AGBL4: variants seen among roughly 807,000 people sequenced by gnomAD.
AGBL4 encodes AGBL carboxypeptidase 4, also known as cytosolic carboxypeptidase 6.
In AGBL4, 58 loss-of-function variants were observed where a neutral mutation model predicts 66.4. The observed-to-expected ratio is 0.87, with a 90% CI of 0.71 to 1.09. AGBL4 has a LOEUF of 1.09. Among genes scored for constraint, AGBL4 ranks in the 50% least tolerant of loss-of-function variants. The pLI is 0.00. For synonymous variants in AGBL4, 234 were observed against 222.9 expected, an observed-to-expected ratio of 1.05 and a Z score of -0.44; for missense variants, 579 against 631.0, an observed-to-expected ratio of 0.92 and a Z score of 0.88.
intron 5 of AGBL4, among the ~76,000 whole-genome samples, chr1:48,886,843 G>A (rs371966211): frequency 1.2e-4 from 18 of 152,240 alleles, no homozygotes; most frequent in South Asian, 4.2e-4. Flanking sequence ...GAGCCACCGC[G>A]CCCAGCCACG....
intron 1 of AGBL4, among the ~76,000 whole-genome samples, chr1:50,007,730 C>A (rs1465828648): frequency 2.4e-4 from 37 of 152,124 alleles, no homozygotes; most frequent in Admixed American, 2.4e-3. Context: ...CATGCCACTG[C>A]ACTCCAGCCT....
chr1:49,208,623 T>C (rs1293555393), intron 4 of AGBL4, among the ~76,000 whole-genome samples: 1 of 152,088 alleles, frequency 6.6e-6, no homozygotes, highest in African/African-American at 2.4e-5. Flanking sequence ...GATCCAAGAA[T>C]TTACTTCACT....
intron 1 of AGBL4, among the ~76,000 whole-genome samples, chr1:49,956,487 A>G (rs556470371): frequency 3.3e-5 from 5 of 152,086 alleles, no homozygotes; most frequent in South Asian, 2.1e-4. Flanking sequence ...TAAGTATTTC[A>G]TAATATATCA....
At chr1:48,828,300 G>T (rs1316933299) in intron 6 of AGBL4, among the ~76,000 whole-genome samples, 1 of 152,114 alleles carries the variant, frequency 6.6e-6, no homozygotes. Flanking sequence ...CACCATAGAG[G>T]TGTCTCTGGC....
chr1:49,419,502 GA>G (rs1004424633), intron 3 of AGBL4, among the ~76,000 whole-genome samples: 13 of 151,822 alleles, frequency 8.6e-5, no homozygotes, highest in Non-Finnish European at 1.8e-4. Context: ...TTCTCAGAAT[GA>G]AAAAAAATAT....
rs76200506 is a variant in AGBL4, at chr1:49,432,334, C to T, written c.283-186470G>A. Among the ~76,000 whole-genome samples, 912 of 152,158 alleles carry T rather than the reference C, an allele frequency of 6.0e-3. 50 individuals are homozygous for T. The East Asian group carries it at 0.13, about 22-fold the overall frequency. ...ACTTTGTAATTTTGAGTTGGTCTGG[C>T]GATAATTTCCAGGCCTTCTTCTTGG... On this transcript the variant is annotated intron_variant, in intron 3 of 13. Coordinates refer to ENST00000371839, the MANE Select transcript of AGBL4 (RefSeq NM_032785.4).
intron 6 of AGBL4, among the ~76,000 whole-genome samples, chr1:48,694,078 G>T (rs185695413): frequency 1.3e-5 from 2 of 149,312 alleles, no homozygotes; most frequent in African/African-American, 4.9e-5. Context: ...AAGCGGCAGA[G>T]CCTGTGGTTT....
intron 2 of AGBL4, among the ~76,000 whole-genome samples, chr1:49,745,319 C>T (rs769646070): frequency 6.6e-6 from 1 of 151,990 alleles, no homozygotes; most frequent in Non-Finnish European, 1.5e-5. Flanking sequence ...GAGAACAGTA[C>T]ACTAAGCTAT....
At chr1:48,595,002 C>G (rs1414584497) in intron 9 of AGBL4, among the ~76,000 whole-genome samples, 1 of 152,174 alleles carries the variant, frequency 6.6e-6, no homozygotes, top group Non-Finnish European at 1.5e-5. Flanking sequence ...TGCTCCGCAT[C>G]AGACTGATGT....
Position 49,541,340 on chromosome 1 carries a change from C to T in AGBL4, c.282+155973G>A, listed in dbSNP as rs557587832. Among the ~76,000 whole-genome samples the T allele has an allele frequency of 5.9e-5, 9 of 152,174 alleles. No homozygotes were observed. The South Asian group carries it at 1.2e-3, about 21-fold the overall frequency. On this transcript the variant is annotated intron_variant, in intron 3 of 13. Coordinates refer to ENST00000371839, the MANE Select transcript of AGBL4 (RefSeq NM_032785.4). ...TTGCAGAGAGGTGTGGAGGGAGAGG[C>T]GTGGGCAGGAACTGGAGCTGCGGGC...
At chr1:48,966,623 G>A (rs2148947408) in intron 5 of AGBL4, among the ~76,000 whole-genome samples, 1 of 152,186 alleles carries the variant, frequency 6.6e-6, no homozygotes, top group Middle Eastern at 3.4e-3. Flanking sequence ...AAACTCTAAT[G>A]CCTATGGTAC....
At chr1:48,750,329 G>A (rs1219081761) in intron 6 of AGBL4, among the ~76,000 whole-genome samples, 3 of 152,132 alleles carry the variant, frequency 2.0e-5, no homozygotes, top group Non-Finnish European at 4.4e-5. Flanking sequence ...CTGCTACCCA[G>A]CACTTCACTG....
chr1:48,923,608 G>A (rs897291969), intron 5 of AGBL4, among the ~76,000 whole-genome samples: 9 of 152,238 alleles, frequency 5.9e-5, no homozygotes, highest in South Asian at 2.1e-4. Context: ...TAATGTTTTC[G>A]TTTAGATTTA....
chr1:48,641,996 C>A (rs1645763667), intron 8 of AGBL4, among the ~76,000 whole-genome samples: 1 of 152,094 alleles, frequency 6.6e-6, no homozygotes, highest in Non-Finnish European at 1.5e-5. Context: ...CTACCCCCTA[C>A]CACCCAGGGT....
intron 5 of AGBL4, among the ~76,000 whole-genome samples, chr1:49,036,930 C>T (rs1375688928): frequency 1.3e-5 from 2 of 151,918 alleles, no homozygotes; most frequent in Non-Finnish European, 2.9e-5. Flanking sequence ...AGGGAGGGAG[C>T]TCTTTTGAGG....
chr1:49,328,831 T>C (rs532809004), intron 3 of AGBL4, among the ~76,000 whole-genome samples: 36 of 152,340 alleles, frequency 2.4e-4, no homozygotes, highest in African/African-American at 8.7e-4. Context: ...GATCTTTATT[T>C]GTTTATGTTA....
chr1:49,140,735 T>C (rs975985850), intron 4 of AGBL4, among the ~76,000 whole-genome samples: 1 of 152,196 alleles, frequency 6.6e-6, no homozygotes, highest in African/African-American at 2.4e-5. Context: ...ATAATTGAAA[T>C]AGAATGTGCA....
chr1:48,889,039 G>A (rs4926771), intron 5 of AGBL4, among the ~76,000 whole-genome samples: 74,770 of 152,102 alleles, frequency 0.49, 21,833 homozygotes, highest in Non-Finnish European at 0.67. Flanking sequence ...AGGAGCCAAA[G>A]AGAAGGATCC....
At chr1:49,255,200 T>C (rs1365288641) in intron 3 of AGBL4, among the ~76,000 whole-genome samples, 1 of 151,778 alleles carries the variant, frequency 6.6e-6, no homozygotes. Flanking sequence ...AAAAGCAAAA[T>C]AAACTATCAG....
Sources: gnomAD v4.1 joint callset for allele counts (sites outside exome capture counted in the v4.1 genomes callset) on GRCh38, gnomAD v4.1.1 for gene constraint, MANE v1.5 for transcripts, NCBI Gene and HGNC (gene_info 2026-07-23, HGNC 2026-07-21) for gene names.